CSGALNACT1: variants seen among roughly 807,000 people sequenced by gnomAD.
The protein encoded by CSGALNACT1 is beta4GalNAcT-1.
A neutral mutation model predicts 51.0 loss-of-function variants in CSGALNACT1; 52 were observed. The ratio of observed to expected loss-of-function variants is 1.02; its 90% CI spans 0.82 to 1.29. CSGALNACT1 has a LOEUF of 1.29. CSGALNACT1 is among the 50% of genes most tolerant of loss of function. The probability of loss-of-function intolerance (pLI) is 0.00; values close to 1 mark genes in which losing one functional copy is unlikely to be tolerated. For missense variants in CSGALNACT1, 935 were observed against 679.2 expected (o/e 1.38, Z -4.19); for synonymous variants, 341 against 254.4 (o/e 1.34, Z -3.24).
intron 4 of CSGALNACT1, among the ~76,000 whole-genome samples, chr8:19,485,410 C>G (rs1182463953): frequency 6.6e-6 from 1 of 152,070 alleles, no homozygotes; most frequent in Non-Finnish European, 1.5e-5. Context: ...CCTAAGCCCC[C>G]AAGTCACTCA....
At chr8:19,475,512 G>C (rs1210937977) in intron 4 of CSGALNACT1, among the ~76,000 whole-genome samples, 1 of 152,182 alleles carries the variant, frequency 6.6e-6, no homozygotes, top group Non-Finnish European at 1.5e-5. Context: ...ACAGCTTTCA[G>C]TCAGAAGCAT....
intron 3 of CSGALNACT1, among the ~76,000 whole-genome samples, chr8:19,559,686 A>T (rs747897643): frequency 3.3e-5 from 5 of 152,230 alleles, no homozygotes; most frequent in African/African-American, 1.2e-4. Context: ...ATCCAAAAAA[A>T]AGATACCATC....
chr8:19,505,139 T>C, intron 4 of CSGALNACT1, 62 bp downstream of exon 3: 10 of 1,600,136 alleles, frequency 6.2e-6, no homozygotes, highest in South Asian at 1.1e-5. Flanking sequence ...GGAACCTGCC[T>C]GGGTGCCAGG....
intron 1 of CSGALNACT1, among the ~76,000 whole-genome samples, chr8:19,642,405 A>G (rs925751506): frequency 2.0e-5 from 3 of 152,332 alleles, no homozygotes; most frequent in African/African-American, 4.8e-5. Flanking sequence ...GAAACAGATC[A>G]ACAAAACTAA....
intron 1 of CSGALNACT1, among the ~76,000 whole-genome samples, chr8:19,728,272 G>T (rs1438994903): frequency 6.6e-6 from 1 of 152,140 alleles, no homozygotes; most frequent in Non-Finnish European, 1.5e-5. Flanking sequence ...TGATTCAAAA[G>T]AAGTAGGCTC....
chr8:19,457,249 G>A (rs953700360), intron 5 of CSGALNACT1, among the ~76,000 whole-genome samples: 5 of 152,308 alleles, frequency 3.3e-5, no homozygotes, highest in Middle Eastern at 3.4e-3. Flanking sequence ...TCATGAACCA[G>A]AATTTTGAAA....
chr8:19,648,841 G>A (rs1473285445), intron 1 of CSGALNACT1, among the ~76,000 whole-genome samples: 2 of 152,056 alleles, frequency 1.3e-5, no homozygotes, highest in East Asian at 1.9e-4. Context: ...ACACCTTAAT[G>A]TCCATTAACA....
intron 3 of CSGALNACT1, among the ~76,000 whole-genome samples, chr8:19,549,751 G>A (rs745643820): frequency 7.2e-6 from 1 of 138,434 alleles, no homozygotes; most frequent in Non-Finnish European, 1.5e-5. Flanking sequence ...TTGAGACCTT[G>A]CATTTCTGTC....
rs551949934 is a variant in CSGALNACT1 at position 19,526,493 on chromosome 8, T to C, written c.-296-20363A>G. 1.4e-4 allele frequency among the ~76,000 whole-genome samples: 22 copies of C among 152,214 alleles called. 1 individual carries two copies. In the East Asian group the frequency reaches 3.9e-3, roughly 27 times the overall value. The stretch of plus-strand genomic sequence containing the variant: ...AGCTACTCGGGAGACCGAGGCAGGA[T>C]AATCACTTGAACCTGGGAGGCGGAG... On this transcript the variant is annotated intron_variant, in intron 3 of 9. Transcript: ENST00000454498.
chr8:19,405,612 A>AT, exon 10 of CSGALNACT1: 1 of 925,166 alleles, frequency 1.1e-6, no homozygotes, highest in Non-Finnish European at 1.7e-6. Context: ...GGAGATTTTG[A>AT]TTTCTGTTGT....
At chr8:19,420,404 G>T in exon 7 of CSGALNACT1, 1 of 1,614,164 alleles carries the variant, frequency 6.2e-7, no homozygotes, top group Non-Finnish European at 8.5e-7. Context: ...CCACATCACA[G>T]AAAAAGAGAA....
chr8:19,442,282 C>T (rs561789066), intron 5 of CSGALNACT1, among the ~76,000 whole-genome samples: 152 of 152,152 alleles, frequency 1.0e-3, no homozygotes, highest in Middle Eastern at 6.8e-3. Context: ...ATGTTTATTG[C>T]GGCACTATTC....
intron 9 of CSGALNACT1, among the ~76,000 whole-genome samples, chr8:19,407,937 G>A (rs905019929): frequency 8.3e-6 from 1 of 120,814 alleles, no homozygotes; most frequent in African/African-American, 2.7e-5. Context: ...GTGTGTGTGT[G>A]TGTGTGTGTG....
intron 3 of CSGALNACT1, among the ~76,000 whole-genome samples, chr8:19,531,191 G>A (rs115956265): frequency 1.2e-3 from 183 of 152,304 alleles, no homozygotes; most frequent in African/African-American, 4.2e-3. Context: ...TCCACCAAGG[G>A]AGGCAGATAT....
At chr8:19,486,109 C>T (rs1245101668) in intron 4 of CSGALNACT1, among the ~76,000 whole-genome samples, 2 of 151,760 alleles carry the variant, frequency 1.3e-5, no homozygotes, top group Middle Eastern at 3.2e-3. Context: ...ACTAAACCTC[C>T]TGAGAGTCTC....
At chr8:19,467,115 T>C (rs1208258869) in intron 4 of CSGALNACT1, among the ~76,000 whole-genome samples, 2 of 104,062 alleles carry the variant, frequency 1.9e-5, no homozygotes, top group Admixed American at 2.0e-4. Flanking sequence ...GCTGACTTTT[T>C]TTTTTTTTTT....
intron 1 of CSGALNACT1, among the ~76,000 whole-genome samples, chr8:19,625,435 T>C (rs545115707): frequency 6.6e-6 from 1 of 152,318 alleles, no homozygotes; most frequent in Non-Finnish European, 1.5e-5. Flanking sequence ...AATTAAAAAG[T>C]CAGGAGTTGA....
chr8:19,695,120 C>A (rs1306921837), intron 1 of CSGALNACT1, among the ~76,000 whole-genome samples: 1 of 152,204 alleles, frequency 6.6e-6, no homozygotes, highest in Non-Finnish European at 1.5e-5. Flanking sequence ...TAAGCTCCAA[C>A]AAAATCTCCC....
intron 1 of CSGALNACT1, among the ~76,000 whole-genome samples, chr8:19,675,548 A>G (rs1287700511): frequency 1.3e-5 from 2 of 151,890 alleles, no homozygotes; most frequent in African/African-American, 2.4e-5. Context: ...GAGTGAGTAC[A>G]GTGGCGCGAT....
Sources: allele counts gnomAD v4.1 joint callset (sites outside exome capture counted in the v4.1 genomes callset), GRCh38; gene constraint gnomAD v4.1.1; transcripts MANE v1.5; gene names NCBI Gene and HGNC (gene_info 2026-07-23, HGNC 2026-07-21).